LRCH3: variants seen among roughly 807,000 people sequenced by gnomAD.
LRCH3 encodes DISP complex protein LRCH3.
A neutral mutation model predicts 104.5 loss-of-function variants in LRCH3; 68 were observed. The ratio of observed to expected loss-of-function variants is 0.65; its 90% CI spans 0.54 to 0.80. The LOEUF (loss-of-function observed/expected upper bound fraction) is 0.80, where lower values mean the gene tolerates loss of function less well. LRCH3 is among the 30% of genes least tolerant of loss of function. The pLI, the probability that LRCH3 is intolerant of heterozygous loss-of-function variation, is 0.00. For missense variants in LRCH3, 951 were observed against 953.9 expected, an observed-to-expected ratio of 1.00 and a Z score of 0.04; for synonymous variants, 344 against 361.3, an observed-to-expected ratio of 0.95 and a Z score of 0.54.
At chr3:197,837,642 C>CAGACCA (rs1737026137) in intron 9 of LRCH3, among the ~76,000 whole-genome samples, 2 of 152,004 alleles carry the variant, frequency 1.3e-5, no homozygotes, top group Admixed American at 1.3e-4. Context: ...ATAGACCATT[C>CAGACCA]CTGTCTGAAC....
In LRCH3 at chr3:197,791,289, C is replaced by A; in HGVS notation, c.11C>A (p.Ala4Glu). The A allele has an allele frequency of 6.2e-7, 1 of 1,608,202 alleles. No homozygotes were observed. The highest frequency in any genetic ancestry group is 8.5e-7 in the Non-Finnish European group (1 of 1,178,536). Residue 4 changes from alanine to glutamate, a missense_variant, in exon 1 of 21, where the codon GCG (alanine) becomes GAG (glutamate). Ala to Glu is a moderately radical substitution (Grantham distance 107). Transcript: ENST00000425562. The stretch of plus-strand genomic sequence containing the variant: ...GTTGTCGGCTGGGAAATGGCGGCCG[C>A]GGGCTTGGTCGCTGTGGCAGCGGCT... MAAAGLVAVAAAAE... is the reference protein window; with the variant it reads MAAEGLVAVAAAAE...
intron 10 of LRCH3, among the ~76,000 whole-genome samples, chr3:197,844,755 C>T (rs565934730): frequency 1.3e-4 from 20 of 152,158 alleles, no homozygotes; most frequent in South Asian, 2.1e-4. Flanking sequence ...GTAGCTGGGA[C>T]TACAGGCGCG....
chr3:197,797,240 A>G (rs1415941221), intron 1 of LRCH3, among the ~76,000 whole-genome samples: 1 of 140,082 alleles, frequency 7.1e-6, no homozygotes, highest in African/African-American at 2.6e-5. Context: ...GAGGCAGGAG[A>G]ATTTCTTGAA....
chr3:197,883,309 C>T lies in LRCH3; in HGVS notation c.2209-232C>T. The T allele has an allele frequency of 7.7e-7, 1 of 1,292,912 alleles. No homozygotes were observed. Among genetic ancestry groups the T allele is most frequent in the Non-Finnish European group, 9.8e-7 (1 of 1,017,918 alleles). The allele number at this position is 1,292,912 out of a possible 1,614,324, so 80.1% of individuals were successfully genotyped here. A position where few individuals can be genotyped will look rare whatever the true frequency, so the allele number is the denominator to read the frequency against. On this transcript the variant is annotated intron_variant, in intron 20 of 20. Coordinates refer to ENST00000425562, the MANE Select transcript of LRCH3 (RefSeq NM_001365715.1). This position sits in a 1 kb window ranked among gnomAD's most constrained non-coding sequence, Gnocchi z 4.2. Reference sequence around the variant, plus strand: ...AGATATATGCTACTTGTCAATTTTCCAATTTTGAAAATGATCTGTATGTAC... The same window carrying T: ...AGATATATGCTACTTGTCAATTTTCTAATTTTGAAAATGATCTGTATGTAC...
intron 1 of LRCH3, among the ~76,000 whole-genome samples, chr3:197,809,974 C>T (rs929495333): frequency 1.3e-5 from 2 of 152,012 alleles, no homozygotes; most frequent in African/African-American, 4.8e-5. Flanking sequence ...AGAGTCATTA[C>T]AGTCTGGCAA....
intron 1 of LRCH3, among the ~76,000 whole-genome samples, chr3:197,803,798 G>C (rs1026187916): frequency 3.3e-5 from 5 of 152,180 alleles, no homozygotes; most frequent in Non-Finnish European, 5.9e-5. Flanking sequence ...GCCTCATCTC[G>C]GAATAAGAAT....
In LRCH3 at chr3:197,815,813, A is replaced by G. The variant is rs1733732375; in HGVS notation, c.407+761A>G. 2.0e-5 allele frequency among the ~76,000 whole-genome samples: 3 copies of G among 152,244 alleles called. No individual in the cohort carries two copies. The South Asian group carries it at 6.2e-4, about 31-fold the overall frequency. On this transcript the variant is annotated intron_variant, in intron 2 of 20. Coordinates refer to ENST00000425562, the MANE Select transcript of LRCH3 (RefSeq NM_001365715.1). ...TTCACTATAAAAGTTGCAAATGTTC[A>G]TTGAATATAATGTGCAAATGTGGAA...
chr3:197,854,117 C>T lies in LRCH3; in HGVS notation c.1591-275C>T, dbSNP rs1012400643. 6.6e-6 allele frequency among the ~76,000 whole-genome samples: 1 copy of T among 152,088 alleles called. No homozygotes were observed. Among genetic ancestry groups the T allele is most frequent in the African/African-American group, 2.4e-5 (1 of 41,426 alleles). On this transcript the variant is annotated intron_variant, in intron 13 of 20. Transcript: ENST00000425562. The surrounding 1 kb of genome is among the most constrained non-coding windows in gnomAD (Gnocchi z 4.5). ...TTCTTTATGTTATTGTTACATCTCT[C>T]TCCAGCTTTCTGTTCCCTCCTTGCT...
At chr3:197,864,810 C>T (rs1208681788) in intron 15 of LRCH3, among the ~76,000 whole-genome samples, 1 of 149,946 alleles carries the variant, frequency 6.7e-6, no homozygotes, top group Non-Finnish European at 1.5e-5. Flanking sequence ...CGCTTGAGCT[C>T]AGGAGGTTGA....
At position 197,870,184 on chromosome 3, in the gene LRCH3, C is replaced by T. The variant is rs1711978478; in HGVS notation, c.1898C>T (p.Ser633Phe). 1 of 1,613,000 alleles carries T rather than the reference C, an allele frequency of 6.2e-7. No homozygotes were observed. The highest frequency in any genetic ancestry group is 8.5e-7 in the Non-Finnish European group (1 of 1,179,020). ...GGTCATGCTTCACCCCTTCCTCCAT[C>T]TGCTGCACCTACCACTGATTCTACA... is the stretch of plus-strand genomic sequence containing the variant. ...NKGHASPLPP[S>F]AAPTTDSTDS... The change falls in exon 18 of 21, where the codon TCT becomes TTT. Residue 633 changes from serine (S) to phenylalanine (F), a missense_variant. By Grantham distance (155) the Ser-to-Phe change is radical. Coordinates refer to ENST00000425562, the MANE Select transcript of LRCH3 (RefSeq NM_001365715.1).
rs1714380055 is a variant in LRCH3, at chr3:197,888,118, ATGAGTT to A, written c.*4456_*4461del. ...TGACTAATGATGTGTGACTATGCGA[ATGAGTT>A]TGATGAATTCGTAAAAACTAAGCGC... is the stretch of plus-strand genomic sequence containing the variant. On this transcript the variant is annotated 3_prime_UTR_variant, in exon 21 of 21. Coordinates refer to ENST00000425562, the MANE Select transcript of LRCH3 (RefSeq NM_001365715.1). 1.3e-5 allele frequency: 2 copies of A among 152,242 alleles called. No individual in the cohort carries two copies. The highest frequency in any genetic ancestry group is 1.3e-4 in the Admixed American group (2 of 15,282). 9.4% of individuals were successfully genotyped at this position (152,242 alleles called of 1,614,324 possible).
In LRCH3 at chr3:197,791,299, C is replaced by G. The variant is rs376921929; in HGVS notation, c.21C>G (p.Val7=). 6 of 1,608,704 alleles carry G rather than the reference C, an allele frequency of 3.7e-6. No homozygotes were observed. The highest frequency in any genetic ancestry group is 5.1e-6 in the Non-Finnish European group (6 of 1,178,714). The change falls in exon 1 of 21, where the codon GTC becomes GTG. Residue 7 remains valine (V), a synonymous_variant. Transcript: ENST00000425562. MAAAGL[V]AVAAAAEYSG... ...GGGAAATGGCGGCCGCGGGCTTGGT[C>G]GCTGTGGCAGCGGCTGCCGAGTACT... is the stretch of plus-strand genomic sequence containing the variant.
chr3:197,852,644 C>T, intron 13 of LRCH3, 24 bp downstream of exon 13: 1 of 1,607,342 alleles, frequency 6.2e-7, no homozygotes, highest in South Asian at 1.1e-5. Context: ...ATCTCCTTTT[C>T]TTTGGAGTTG....
chr3:197,791,565 G>A (rs1165407089), intron 1 of LRCH3, 25 bp downstream of exon 1: 7 of 1,514,174 alleles, frequency 4.6e-6, no homozygotes, highest in Admixed American at 2.4e-5. Flanking sequence ...GGGCGTCTCT[G>A]CCCGTCGGAG....
chr3:197,791,505 C>T lies in LRCH3; in HGVS notation c.227C>T (p.Ala76Val), dbSNP rs1419840270. ...AAACTGAGGGAGTTTCCCCGGGGAG[C>T]GGCCAACCACGACCTGACGGACACC... ...GRKLREFPRG[A>V]ANHDLTDTTR... Residue 76 changes from alanine (A) to valine (V), a missense_variant, in exon 1 of 21, where the codon GCG (alanine) becomes GTG (valine). By Grantham distance (64) the Ala-to-Val change is moderately conservative (BLOSUM62 0). Transcript: ENST00000425562. 2 of 1,597,820 alleles carry T rather than the reference C, an allele frequency of 1.3e-6. No homozygotes were observed. The highest frequency in any genetic ancestry group is 2.2e-5 in the South Asian group (2 of 89,064).
chr3:197,823,671 T>C (rs549868847), intron 4 of LRCH3, among the ~76,000 whole-genome samples: 3 of 151,866 alleles, frequency 2.0e-5, no homozygotes, highest in African/African-American at 7.2e-5. Context: ...TATTGTTTTG[T>C]AGAGACAAGG....
At chr3:197,814,280 A>G (rs563082727) in intron 1 of LRCH3, among the ~76,000 whole-genome samples, 1 of 152,358 alleles carries the variant, frequency 6.6e-6, no homozygotes, top group African/African-American at 2.4e-5. Context: ...TAAACCCGTA[A>G]GATCTCGTGA....
rs573084644 is a variant in LRCH3, at chr3:197,853,086, C to T, written c.1590+466C>T. 4.4e-4 allele frequency among the ~76,000 whole-genome samples: 67 copies of T among 152,286 alleles called. No homozygotes were observed. The South Asian group carries it at 0.013, about 31-fold the overall frequency. On this transcript the variant is annotated intron_variant, in intron 13 of 20. Transcript: ENST00000425562. ...AATCACTTAACCTTTTAAAAATCTA[C>T]ACACCTCTTTTGATCTGTTAAAATG...
chr3:197,791,494 T>G lies in LRCH3; in HGVS notation c.216T>G (p.Phe72Leu). 1 of 1,600,202 alleles carries G rather than the reference T, an allele frequency of 6.2e-7. No homozygotes were observed. Among genetic ancestry groups the G allele is most frequent in the African/African-American group, 1.4e-5 (1 of 73,518 alleles). ...LSLSGRKLRE[F>L]PRGAANHDLT... is the part of the protein sequence containing the mutation. The stretch of plus-strand genomic sequence containing the variant: ...TGAGCGGCCGGAAACTGAGGGAGTT[T>G]CCCCGGGGAGCGGCCAACCACGACC... Residue 72 changes from phenylalanine (F) to leucine (L), a missense_variant, in exon 1 of 21, where the codon TTT becomes TTG. By Grantham distance (22) the Phe-to-Leu change is conservative. Coordinates refer to ENST00000425562, the MANE Select transcript of LRCH3 (RefSeq NM_001365715.1).
Sources: allele counts gnomAD v4.1 joint callset (sites outside exome capture counted in the v4.1 genomes callset), GRCh38; gene constraint gnomAD v4.1.1; non-coding constraint Gnocchi (gnomAD v3.1); transcripts MANE v1.5; gene names NCBI Gene and HGNC (gene_info 2026-07-23, HGNC 2026-07-21).